The following GMDS variants were observed in gnomAD, a reference collection of about 807,000 sequenced individuals.
GMDS encodes the protein GDP-mannose 4,6 dehydratase.
GMDS carries 20 observed loss-of-function variants against 49.9 expected under a neutral mutation model. That is an observed-to-expected ratio of 0.40 (90% CI 0.28 to 0.58). The LOEUF is 0.58. Ranked by LOEUF, GMDS falls within the 20% of genes least tolerant of loss-of-function variation. The pLI is 0.42. For missense variants in GMDS, 362 were observed against 481.4 expected (o/e 0.75, Z 2.32); for synonymous variants, 177 against 178.6 (o/e 0.99, Z 0.07).
At chr6:1,792,665 A>C (rs1769590177) in intron 7 of GMDS, among the ~76,000 whole-genome samples, 7 of 152,222 alleles carry the variant, frequency 4.6e-5, no homozygotes, top group Admixed American at 3.9e-4. Flanking sequence ...TATGTGTTTG[A>C]AAATATCTGT....
intron 4 of GMDS, among the ~76,000 whole-genome samples, chr6:2,108,302 A>AT (rs1428141958): frequency 1.3e-5 from 2 of 152,156 alleles, no homozygotes; most frequent in Non-Finnish European, 2.9e-5. Context: ...ATTGTAGCAA[A>AT]TATTATTTGC....
chr6:2,206,336 G>A lies in GMDS; in HGVS notation c.102+38985C>T, dbSNP rs574756306. 5.9e-5 allele frequency among the ~76,000 whole-genome samples: 9 copies of A among 151,882 alleles called. No individual in the cohort carries two copies. In the South Asian group the frequency reaches 8.3e-4, roughly 14 times the overall value. The stretch of plus-strand genomic sequence containing the variant: ...GCAAAGTGTTGTTATCTTTAATATC[G>A]GATGCTTCTGGGTTCTCAACCCAAG... On this transcript the variant is annotated intron_variant, in intron 1 of 10. Transcript: ENST00000380815.
chr6:1,904,712 G>A (rs1760670200), intron 7 of GMDS, among the ~76,000 whole-genome samples: 1 of 152,170 alleles, frequency 6.6e-6, no homozygotes, highest in South Asian at 2.1e-4. Context: ...GCTCAGGGTG[G>A]TGCCCACTTA....
intron 7 of GMDS, among the ~76,000 whole-genome samples, chr6:1,912,876 T>C (rs1761140125): frequency 6.6e-6 from 1 of 152,138 alleles, no homozygotes; most frequent in East Asian, 1.9e-4. Flanking sequence ...ATGTGCCCAG[T>C]GACCAGCTGG....
intron 4 of GMDS, among the ~76,000 whole-genome samples, chr6:2,016,628 T>C (rs985828589): frequency 5.3e-5 from 8 of 152,216 alleles, no homozygotes; most frequent in African/African-American, 1.9e-4. Context: ...GAGCAGATGA[T>C]TATATATTCT....
chr6:1,706,556 T>C (rs1032782560), intron 9 of GMDS, among the ~76,000 whole-genome samples: 19 of 152,240 alleles, frequency 1.2e-4, no homozygotes, highest in Non-Finnish European at 2.5e-4. Flanking sequence ...TGTTCGCTAA[T>C]GAACATTTGG....
intron 4 of GMDS, among the ~76,000 whole-genome samples, chr6:2,067,960 A>C (rs556406260): frequency 1.2e-3 from 182 of 151,420 alleles, no homozygotes; most frequent in South Asian, 1.9e-3. Flanking sequence ...GAGACACAAC[A>C]AAAAAAGAGA....
chr6:1,946,852 A>C (rs1479984969), intron 6 of GMDS, among the ~76,000 whole-genome samples: 7 of 152,184 alleles, frequency 4.6e-5, no homozygotes, highest in African/African-American at 1.7e-4. Flanking sequence ...GAGTGCCAAG[A>C]AGCTCTCTAG....
intron 4 of GMDS, among the ~76,000 whole-genome samples, chr6:2,088,336 A>C (rs1773126860): frequency 6.6e-6 from 1 of 152,182 alleles, no homozygotes; most frequent in South Asian, 2.1e-4. Context: ...CTAGACATTA[A>C]CTTGTCTGTA....
chr6:2,201,586 G>A (rs1372659893), intron 1 of GMDS, among the ~76,000 whole-genome samples: 1 of 130,106 alleles, frequency 7.7e-6, no homozygotes, highest in Non-Finnish European at 1.6e-5. Flanking sequence ...TGTTAGCAGA[G>A]AGGTGAAGGA....
At chr6:1,869,293 T>C (rs1758603238) in intron 7 of GMDS, among the ~76,000 whole-genome samples, 3 of 152,224 alleles carry the variant, frequency 2.0e-5, no homozygotes, top group South Asian at 4.1e-4. Context: ...GTTCCTATTT[T>C]TTTAATAGCG....
chr6:1,883,839 T>C (rs1196578376), intron 7 of GMDS, among the ~76,000 whole-genome samples: 1 of 152,226 alleles, frequency 6.6e-6, no homozygotes, highest in Non-Finnish European at 1.5e-5. Context: ...CCATATACTT[T>C]GTTTCAGTAT....
At chr6:2,034,412 G>T (rs1005175003) in intron 4 of GMDS, among the ~76,000 whole-genome samples, 1 of 152,140 alleles carries the variant, frequency 6.6e-6, no homozygotes, top group Non-Finnish European at 1.5e-5. Context: ...GGAGAGAAAA[G>T]GAATGTTGGT....
intron 7 of GMDS, among the ~76,000 whole-genome samples, chr6:1,820,999 A>G (rs1172641565): frequency 6.6e-6 from 1 of 152,216 alleles, no homozygotes; most frequent in African/African-American, 2.4e-5. Context: ...TTCTAAACAC[A>G]TGTATATTTT....
At chr6:1,989,426 G>A (rs1472846397) in intron 4 of GMDS, among the ~76,000 whole-genome samples, 2 of 152,092 alleles carry the variant, frequency 1.3e-5, no homozygotes, top group African/African-American at 2.4e-5. Context: ...TGAGGGGAGA[G>A]GGTAACCCTG....
At chr6:2,051,590 T>A (rs1283637749) in intron 4 of GMDS, among the ~76,000 whole-genome samples, 5 of 152,154 alleles carry the variant, frequency 3.3e-5, no homozygotes, top group Non-Finnish European at 7.4e-5. Flanking sequence ...GGTTCATAAG[T>A]GAGATTGGTC....
At chr6:1,630,602 C>T (rs1762970476) in intron 9 of GMDS, among the ~76,000 whole-genome samples, 2 of 152,178 alleles carry the variant, frequency 1.3e-5, no homozygotes, top group Admixed American at 6.5e-5. Flanking sequence ...TGGGGAGCTG[C>T]CTACTCATAG....
intron 4 of GMDS, among the ~76,000 whole-genome samples, chr6:2,084,821 T>C (rs1242422395): frequency 6.6e-6 from 1 of 152,208 alleles, no homozygotes; most frequent in Non-Finnish European, 1.5e-5. Context: ...TAAAACTCTT[T>C]AATTCAACTT....
rs528636551 is a variant in GMDS at position 2,242,707 on chromosome 6, A to T, written c.102+2614T>A. On this transcript the variant is annotated intron_variant, in intron 1 of 10. Coordinates refer to ENST00000380815, the MANE Select transcript of GMDS (RefSeq NM_001500.4). ...AGCAACTGCTGAGATCTGGGTTCAG[A>T]TCTCAGTTCTGACACTCATTAGATG... Among the ~76,000 whole-genome samples, 7 of 152,318 alleles carry T rather than the reference A, an allele frequency of 4.6e-5. No individual in the cohort carries two copies. The South Asian group carries it at 1.0e-3, about 23-fold the overall frequency.
Sources: allele counts gnomAD v4.1 joint callset (sites outside exome capture counted in the v4.1 genomes callset), GRCh38; gene constraint gnomAD v4.1.1; transcripts MANE v1.5; gene names NCBI Gene and HGNC (gene_info 2026-07-23, HGNC 2026-07-21).